The following THRB variants were observed in gnomAD, a reference collection of about 807,000 sequenced individuals.
THRB encodes nuclear receptor subfamily 1 group A member 2.
In THRB, 12 loss-of-function variants were observed where a neutral mutation model predicts 47.8. The ratio of observed to expected loss-of-function variants is 0.25; its 90% CI spans 0.16 to 0.41. THRB has a LOEUF of 0.41. Ranked by LOEUF, THRB falls within the 10% of genes least tolerant of loss-of-function variation. THRB has a pLI of 1.00. For synonymous variants in THRB, 218 were observed against 212.2 expected, an observed-to-expected ratio of 1.03 and a Z score of -0.24; for missense variants, 348 against 589.2, an observed-to-expected ratio of 0.59 and a Z score of 4.24.
chr3:24,349,399 C>A (rs998852135), intron 1 of THRB, among the ~76,000 whole-genome samples: 8 of 151,796 alleles, frequency 5.3e-5, no homozygotes, highest in Non-Finnish European at 1.0e-4. Flanking sequence ...CAAGAATAAT[C>A]AAGGCAAAAT....
chr3:24,405,524 CTTTATATA>C (rs1284255739), intron 1 of THRB, among the ~76,000 whole-genome samples: 1 of 151,816 alleles, frequency 6.6e-6, no homozygotes, highest in Admixed American at 6.6e-5. Flanking sequence ...TGTAATACTA[CTTTATATA>C]TTTAAAAATT....
At chr3:24,405,963 T>A (rs2067791929) in intron 1 of THRB, among the ~76,000 whole-genome samples, 1 of 151,626 alleles carries the variant, frequency 6.6e-6, no homozygotes, top group Non-Finnish European at 1.5e-5. Flanking sequence ...TCCTAGTTAT[T>A]TTCTATTTTA....
chr3:24,284,453 C>T (rs1484231260), intron 3 of THRB, among the ~76,000 whole-genome samples: 75 of 151,534 alleles, frequency 4.9e-4, no homozygotes, highest in Non-Finnish European at 8.2e-4. Flanking sequence ...AAGATTTAAA[C>T]GTTAGACCTA....
chr3:24,310,754 C>T (rs2057701002), intron 2 of THRB, among the ~76,000 whole-genome samples: 1 of 152,132 alleles, frequency 6.6e-6, no homozygotes, highest in African/African-American at 2.4e-5. Flanking sequence ...TCTCTATTGG[C>T]ATCTAGTGGG....
intron 1 of THRB, among the ~76,000 whole-genome samples, chr3:24,436,297 CT>C (rs928731913): frequency 3.9e-5 from 6 of 152,020 alleles, no homozygotes; most frequent in African/African-American, 1.4e-4. Context: ...AAGCCCAGCA[CT>C]GTAAGGGAAC....
intron 1 of THRB, among the ~76,000 whole-genome samples, chr3:24,479,481 G>C (rs190679933): frequency 3.9e-5 from 6 of 152,184 alleles, no homozygotes; most frequent in South Asian, 4.1e-4. Context: ...TTAGGAGAGA[G>C]AGCATGCACT....
intron 8 of THRB, among the ~76,000 whole-genome samples, chr3:24,136,359 A>T (rs185220653): frequency 6.6e-6 from 1 of 152,210 alleles, no homozygotes; most frequent in African/African-American, 2.4e-5. Flanking sequence ...GATCTTAGAT[A>T]CCAGAACAAC....
chr3:24,228,044 G>A (rs1337182243), intron 4 of THRB, among the ~76,000 whole-genome samples: 1 of 152,108 alleles, frequency 6.6e-6, no homozygotes, highest in Admixed American at 6.5e-5. Context: ...AACTTCTCTT[G>A]CAAATTTGAA....
intron 1 of THRB, among the ~76,000 whole-genome samples, chr3:24,454,632 G>T (rs2072996354): frequency 6.6e-6 from 1 of 152,134 alleles, no homozygotes; most frequent in South Asian, 2.1e-4. Context: ...TCTACAACTT[G>T]CTTTTGATAG....
Position 24,221,661 on chromosome 3 carries a change from C to T in THRB, c.22+7277G>A, listed in dbSNP as rs977762981. 6.6e-5 allele frequency among the ~76,000 whole-genome samples: 10 copies of T among 152,096 alleles called. No individual in the cohort carries two copies. In the East Asian group the frequency reaches 7.7e-4, roughly 12 times the overall value. Reference sequence around the variant, plus strand: ...TTGCTGAGAAAGAATTTTTTTTTCACTCTTCTGCTCCCACCTTCTACTCTC... The same window carrying T: ...TTGCTGAGAAAGAATTTTTTTTTCATTCTTCTGCTCCCACCTTCTACTCTC... On this transcript the variant is annotated intron_variant, in intron 4 of 10. Transcript: ENST00000646209.
At chr3:24,320,807 C>T (rs1195806111) in intron 2 of THRB, among the ~76,000 whole-genome samples, 1 of 152,154 alleles carries the variant, frequency 6.6e-6, no homozygotes, top group South Asian at 2.1e-4. Flanking sequence ...CTGGCATTTG[C>T]ATTTGCAATC....
At chr3:24,325,737 T>C (rs2058763175) in intron 2 of THRB, among the ~76,000 whole-genome samples, 1 of 152,198 alleles carries the variant, frequency 6.6e-6, no homozygotes, top group Non-Finnish European at 1.5e-5. Flanking sequence ...TCAGTCTAAA[T>C]ATAACAATCC....
chr3:24,445,088 G>A (rs2071937968), intron 1 of THRB, among the ~76,000 whole-genome samples: 2 of 152,122 alleles, frequency 1.3e-5, no homozygotes, highest in African/African-American at 4.8e-5. Flanking sequence ...TACAGAAATA[G>A]AGAGCCCAGA....
At chr3:24,288,147 C>CGGAGCA in intron 3 of THRB, among the ~76,000 whole-genome samples, 1 of 152,262 alleles carries the variant, frequency 6.6e-6, no homozygotes, top group East Asian at 1.9e-4. Context: ...ACCAAGTGGC[C>CGGAGCA]GGAGCAGGAC....
chr3:24,465,978 T>G (rs549507344), intron 1 of THRB, among the ~76,000 whole-genome samples: 1 of 152,278 alleles, frequency 6.6e-6, no homozygotes, highest in African/African-American at 2.4e-5. Flanking sequence ...CTCTAAGCTC[T>G]TTATTTATGA....
chr3:24,324,364 A>C (rs2058678443), intron 2 of THRB, among the ~76,000 whole-genome samples: 1 of 152,164 alleles, frequency 6.6e-6, no homozygotes, highest in African/African-American at 2.4e-5. Flanking sequence ...TGTCTACAGC[A>C]GAACAGTTCC....
chr3:24,408,531 A>G (rs537179615), intron 1 of THRB, among the ~76,000 whole-genome samples: 2 of 151,960 alleles, frequency 1.3e-5, no homozygotes, highest in South Asian at 4.1e-4. Flanking sequence ...GTGCATGAGC[A>G]TGTGTGTGAG....
At chr3:24,133,559 A>T in intron 8 of THRB, 97 bp from the exon 9 acceptor site, 1 of 1,103,790 alleles carries the variant, frequency 9.1e-7, no homozygotes, top group Non-Finnish European at 1.4e-6. Context: ...CTGAACTGAT[A>T]TCCTGTACAG....
intron 1 of THRB, among the ~76,000 whole-genome samples, chr3:24,457,199 A>T (rs2073253050): frequency 6.6e-6 from 1 of 152,172 alleles, no homozygotes; most frequent in Non-Finnish European, 1.5e-5. Context: ...CTAAGCCTGT[A>T]TTACCACAGG....
Sources: gnomAD v4.1 joint callset for allele counts (sites outside exome capture counted in the v4.1 genomes callset) on GRCh38, gnomAD v4.1.1 for gene constraint, MANE v1.5 for transcripts, NCBI Gene and HGNC (gene_info 2026-07-23, HGNC 2026-07-21) for gene names.